Variants in GLI2 observed in about 807,000 individuals in gnomAD.
GLI2 encodes GLI family zinc finger 2.
Under a neutral mutation model 78.9 loss-of-function variants are expected in GLI2, and 22 were observed. The observed-to-expected ratio is 0.28, with a 90% CI of 0.20 to 0.40. The LOEUF (loss-of-function observed/expected upper bound fraction) is 0.40, where lower values mean the gene tolerates loss of function less well. Among genes scored for constraint, GLI2 ranks in the 10% least tolerant of loss-of-function variants. GLI2 has a pLI of 1.00. For synonymous variants in GLI2, 974 were observed against 963.7 expected (o/e 1.01, Z -0.20); for missense variants, 2,097 against 2,213.2 (o/e 0.95, Z 1.05).
At chr2:120,925,481 T>C (rs1679618640) in intron 2 of GLI2, among the ~76,000 whole-genome samples, 1 of 152,286 alleles carries the variant, frequency 6.6e-6, no homozygotes, top group South Asian at 2.1e-4. Flanking sequence ...TATTCAGCCT[T>C]AAAAAGGAAG....
intron 2 of GLI2, among the ~76,000 whole-genome samples, chr2:120,896,669 A>AC (rs11418226): frequency 0.92 from 130,337 of 141,640 alleles, 60,034 homozygotes; most frequent in East Asian, 0.99. Context: ...ACATACACCC[A>AC]CCCCCCCACA....
chr2:120,936,560 A>G (rs921472560), intron 3 of GLI2, among the ~76,000 whole-genome samples: 1 of 152,292 alleles, frequency 6.6e-6, no homozygotes, highest in Admixed American at 6.5e-5. Flanking sequence ...CTATGCCGTG[A>G]TTGTCCTCAG....
At chr2:120,846,462 C>T (rs1054277147) in intron 2 of GLI2, among the ~76,000 whole-genome samples, 2 of 152,208 alleles carry the variant, frequency 1.3e-5, no homozygotes, top group African/African-American at 2.4e-5. Context: ...GCTGGGTCTC[C>T]GGGCAGTTGG....
chr2:120,948,088 T>TG (rs1680800402), intron 3 of GLI2, among the ~76,000 whole-genome samples: 1 of 152,174 alleles, frequency 6.6e-6, no homozygotes, highest in Non-Finnish European at 1.5e-5. Flanking sequence ...AGTGCTGTGA[T>TG]GGGGCGGGTA....
rs1237907959 is a variant in GLI2 at position 120,990,556 on chromosome 2, C to G, written c.4591C>G (p.Arg1531Gly). 2 of 1,614,002 alleles carry G rather than the reference C, an allele frequency of 1.2e-6. No individual in the cohort carries two copies. The highest frequency in any genetic ancestry group is 1.3e-5 in the African/African-American group (1 of 74,916). The part of the protein sequence containing the change: ...SQNSSRLTTP[R>G]NSLTLPSIPA... ...GAACTCCTCCCGCCTCACCACCCCC[C>G]GAAACTCCTTGACCCTGCCCTCCAT... is the stretch of plus-strand genomic sequence containing the variant. Residue 1531 changes from arginine (R) to glycine (G), a missense_variant, in exon 14 of 14, where the codon CGA (arginine) becomes GGA (glycine). Coordinates refer to ENST00000361492, the MANE Select transcript of GLI2 (RefSeq NM_001374353.1).
chr2:120,976,034 C>T (rs1682441848), intron 9 of GLI2, among the ~76,000 whole-genome samples: 1 of 152,194 alleles, frequency 6.6e-6, no homozygotes, highest in African/African-American at 2.4e-5. Flanking sequence ...CTGAGTGGTT[C>T]TCTCTTCTCC....
chr2:120,896,638 TACACACACAC>T (rs149519455), intron 2 of GLI2, among the ~76,000 whole-genome samples: 22 of 119,414 alleles, frequency 1.8e-4, no homozygotes, highest in African/African-American at 6.1e-4. Flanking sequence ...AAAACACACA[TACACACACAC>T]ACACACACAC....
Position 120,924,640 on chromosome 2 carries a change from T to C in GLI2, c.149-2721T>C, listed in dbSNP as rs114247324. On this transcript the variant is annotated intron_variant, in intron 2 of 13. Coordinates refer to ENST00000361492, the MANE Select transcript of GLI2 (RefSeq NM_001374353.1). ...CCCTGCCATGTTTTTAAGGCCCTTT[T>C]CTACACATTTGGGAAAGCGAACACT... 8.8e-3 allele frequency among the ~76,000 whole-genome samples: 1,348 copies of C among 152,326 alleles called. 16 individuals carry two copies. The highest frequency in any genetic ancestry group is 0.027 in the Middle Eastern group (8 of 294).
At position 120,988,520 on chromosome 2, in the gene GLI2, C is replaced by A; in HGVS notation, c.2555C>A (p.Ala852Asp). The change falls in exon 14 of 14, where the codon GCC becomes GAC. Residue 852 changes from alanine to aspartate, a missense_variant. This residue lies in a region of GLI2 where 1,290 missense variants were observed against 1,261.7 expected (regional missense o/e 1.02). Transcript: ENST00000361492. The stretch of plus-strand genomic sequence containing the variant: ...GACGCGTCGCGGCGCTCGAGCGAGG[C>A]CAGCCAGTGCAGCGGCGGCTCCGGG... The part of the protein sequence containing the change: ...STDASRRSSE[A>D]SQCSGGSGLL... The A allele has an allele frequency of 4.6e-6, 7 of 1,519,166 alleles. No individual in the cohort carries two copies. Among genetic ancestry groups the A allele is most frequent in the Non-Finnish European group, 5.3e-6 (6 of 1,141,524 alleles). 94.1% of individuals were successfully genotyped at this position (1,519,166 alleles called of 1,614,324 possible). A position where few individuals can be genotyped will look rare whatever the true frequency, so the allele number is the denominator to read the frequency against.
At position 120,990,750 on chromosome 2, in the gene GLI2, G is replaced by GTCTT; in HGVS notation, c.*77_*80dup. On this transcript the variant is annotated 3_prime_UTR_variant, in exon 14 of 14. Coordinates refer to ENST00000361492, the MANE Select transcript of GLI2 (RefSeq NM_001374353.1). ...AGAGCCTGGGGATTCCAGCTGTCTT[G>GTCTT]TCTTTTTCCAAAAAAGTGTTAAATA... 2 of 1,315,094 alleles carry GTCTT rather than the reference G, an allele frequency of 1.5e-6. No individual in the cohort carries two copies. Among genetic ancestry groups the GTCTT allele is most frequent in the Non-Finnish European group, 2.1e-6 (2 of 949,402 alleles). 81.5% of individuals were successfully genotyped at this position (1,315,094 alleles called of 1,614,324 possible).
intron 6 of GLI2, among the ~76,000 whole-genome samples, chr2:120,969,653 C>T (rs1171849602): frequency 6.6e-6 from 1 of 152,254 alleles, no homozygotes; most frequent in Non-Finnish European, 1.5e-5. Flanking sequence ...TCTCAGGTGG[C>T]CACAGTCAAG....
At chr2:120,881,809 G>GA (rs1677164236) in intron 2 of GLI2, among the ~76,000 whole-genome samples, 2 of 34,536 alleles carry the variant, frequency 5.8e-5, no homozygotes, top group African/African-American at 1.3e-4. Context: ...GACAGTGGGG[G>GA]AGAACAGTCG....
In GLI2 at chr2:120,989,315, C is replaced by A; in HGVS notation, c.3350C>A (p.Pro1117His). 6.2e-7 allele frequency: 1 copy of A among 1,613,068 alleles called. No individual in the cohort carries two copies. Among genetic ancestry groups the A allele is most frequent in the East Asian group, 2.2e-5 (1 of 44,876 alleles). ...LGGCQLGFGA[P>H]SSLNKNNMPV... Reference sequence around the variant, plus strand: ...GGATGCCAGTTAGGCTTTGGGGCGCCCTCCAGCCTGAACAAAAATAACATG... The same window carrying A: ...GGATGCCAGTTAGGCTTTGGGGCGCACTCCAGCCTGAACAAAAATAACATG... The change falls in exon 14 of 14, where the codon CCC (proline) becomes CAC (histidine). Residue 1117 changes from proline (P) to histidine (H), a missense_variant. By Grantham distance (77) the Pro-to-His change is moderately conservative. Coordinates refer to ENST00000361492, the MANE Select transcript of GLI2 (RefSeq NM_001374353.1).
chr2:120,846,304 GCT>G (rs983413197), intron 2 of GLI2, among the ~76,000 whole-genome samples: 12 of 152,164 alleles, frequency 7.9e-5, no homozygotes, highest in African/African-American at 2.9e-4. Context: ...GGAGTTCTGG[GCT>G]CTCTGTTTCT....
chr2:120,986,162 C>T (rs1387056850), intron 12 of GLI2, 116 bp from the exon 13 acceptor site: 1 of 914,182 alleles, frequency 1.1e-6, no homozygotes, highest in Admixed American at 2.0e-5. Flanking sequence ...GCTTCCTTCC[C>T]TCACCCTCAG....
chr2:120,794,980 G>A lies in GLI2; in HGVS notation c.-30-2311G>A, dbSNP rs1418075448. ...GTGCAGATGAGCCAGGAGCTGACAGGAGCTGTGGACATCCTTCATGTGGCC... is the reference window on the plus strand; with the variant it reads ...GTGCAGATGAGCCAGGAGCTGACAGAAGCTGTGGACATCCTTCATGTGGCC... On this transcript the variant is annotated intron_variant, in intron 1 of 13. Coordinates refer to ENST00000361492, the MANE Select transcript of GLI2 (RefSeq NM_001374353.1). Among the ~76,000 whole-genome samples, 4 of 152,290 alleles carry A rather than the reference G, an allele frequency of 2.6e-5. No homozygotes were observed. In the East Asian group the frequency reaches 7.7e-4, roughly 29 times the overall value.
chr2:120,773,982 C>T (rs1432209254), intron 1 of GLI2, among the ~76,000 whole-genome samples: 1 of 134,470 alleles, frequency 7.4e-6, no homozygotes, highest in Non-Finnish European at 1.6e-5. Flanking sequence ...TCTCTCCTTC[C>T]CTCTCTGGCT....
intron 2 of GLI2, among the ~76,000 whole-genome samples, chr2:120,877,160 G>A (rs79982522): frequency 0.071 from 10,821 of 152,216 alleles, 1,265 homozygotes; most frequent in African/African-American, 0.24. Context: ...CAGCAGGTCA[G>A]AGCCTGCCCC....
chr2:120,774,799 A>G (rs1683629456), intron 1 of GLI2, among the ~76,000 whole-genome samples: 1 of 152,196 alleles, frequency 6.6e-6, no homozygotes, highest in Admixed American at 6.5e-5. Context: ...GCCCTGCTGC[A>G]TGACTCCATT....
Sources: allele counts gnomAD v4.1 joint callset (sites outside exome capture counted in the v4.1 genomes callset), GRCh38; gene constraint gnomAD v4.1.1; regional missense constraint gnomAD v4.1.1; transcripts MANE v1.5; gene names NCBI Gene and HGNC (gene_info 2026-07-23, HGNC 2026-07-21).